Variants in TPTE observed in about 807,000 individuals in gnomAD.
The protein encoded by TPTE is transmembrane phosphatase with tensin homology, also known as putative tyrosine-protein phosphatase TPTE.
A neutral mutation model predicts 84.1 loss-of-function variants in TPTE; 59 were observed. The ratio of observed to expected loss-of-function variants is 0.70; its 90% CI spans 0.57 to 0.87. The LOEUF (loss-of-function observed/expected upper bound fraction) is 0.87. Among genes scored for constraint, TPTE ranks in the 40% least tolerant of loss-of-function variants. TPTE has a pLI of 0.00. For missense variants in TPTE, 382 were observed against 659.6 expected (o/e 0.58, Z 4.61); for synonymous variants, 130 against 223.5 (o/e 0.58, Z 3.73).
intron 17 of TPTE, among the ~76,000 whole-genome samples, chr21:10,588,853 G>C (rs920669121): frequency 6.6e-6 from 1 of 152,308 alleles, no homozygotes; most frequent in Non-Finnish European, 1.5e-5. Context: ...TTTTATTCTA[G>C]AAGTTCTGAT....
chr21:10,580,177 T>C (rs2075246027), intron 17 of TPTE, among the ~76,000 whole-genome samples: 1 of 152,310 alleles, frequency 6.6e-6, no homozygotes, highest in South Asian at 2.1e-4. Flanking sequence ...TCTTTTCAGG[T>C]TCTTTGCCCA....
chr21:10,556,204 C>T (rs1399113436), intron 8 of TPTE, among the ~76,000 whole-genome samples: 1 of 152,302 alleles, frequency 6.6e-6, no homozygotes, highest in African/African-American at 2.4e-5. Context: ...CCCCCCACCC[C>T]ATGACAGGCC....
intron 17 of TPTE, among the ~76,000 whole-genome samples, chr21:10,587,395 G>A (rs1470638463): frequency 1.1e-4 from 17 of 152,392 alleles, no homozygotes; most frequent in Non-Finnish European, 2.4e-4. Context: ...GAACTCCCCA[G>A]GGTCCATTAT....
chr21:10,566,906 G>A (rs1290076073), intron 10 of TPTE, among the ~76,000 whole-genome samples: 22 of 152,268 alleles, frequency 1.4e-4, no homozygotes, highest in Non-Finnish European at 2.5e-4. Flanking sequence ...GAACCCAGGA[G>A]GTGGAGGTTG....
At chr21:10,539,170 T>A (rs533559850) in intron 4 of TPTE, among the ~76,000 whole-genome samples, 1 of 152,310 alleles carries the variant, frequency 6.6e-6, no homozygotes. Context: ...GCCTACCAGA[T>A]TGACAGAAAG....
chr21:10,593,407 C>G (rs1417810946), intron 19 of TPTE, among the ~76,000 whole-genome samples: 1 of 152,418 alleles, frequency 6.6e-6, no homozygotes, highest in African/African-American at 2.4e-5. Context: ...AATCAGAATT[C>G]AAACAAAGTC....
At chr21:10,539,811 G>T (rs1323885199) in intron 4 of TPTE, among the ~76,000 whole-genome samples, 49 of 152,396 alleles carry the variant, frequency 3.2e-4, no homozygotes, top group African/African-American at 1.1e-3. Flanking sequence ...GTAGTTCAAG[G>T]CCAGCCTGGC....
intron 10 of TPTE, among the ~76,000 whole-genome samples, chr21:10,561,914 C>CA (rs1233204015): frequency 6.6e-6 from 1 of 152,312 alleles, no homozygotes; most frequent in Non-Finnish European, 1.5e-5. Context: ...GGAGTGGTTA[C>CA]AGCAGGTCTT....
intron 17 of TPTE, among the ~76,000 whole-genome samples, chr21:10,589,210 C>T (rs1172306443): frequency 6.6e-6 from 1 of 152,282 alleles, no homozygotes; most frequent in South Asian, 2.1e-4. Context: ...TTCCCTTTCC[C>T]TTCTCCCTAG....
At chr21:10,550,738 G>C (rs1488873266) in intron 7 of TPTE, among the ~76,000 whole-genome samples, 1 of 152,306 alleles carries the variant, frequency 6.6e-6, no homozygotes, top group African/African-American at 2.4e-5. Context: ...CTCCACCATA[G>C]ACCAAATGGA....
intron 7 of TPTE, among the ~76,000 whole-genome samples, chr21:10,552,351 T>C (rs1390107907): frequency 6.6e-6 from 1 of 152,294 alleles, no homozygotes; most frequent in Non-Finnish European, 1.5e-5. Context: ...ACATATTATT[T>C]ATATATTATA....
At chr21:10,528,615 A>G (rs957625290) in intron 3 of TPTE, among the ~76,000 whole-genome samples, 4 of 152,312 alleles carry the variant, frequency 2.6e-5, no homozygotes, top group African/African-American at 9.6e-5. Context: ...CATGTGTTCA[A>G]ATATAATTGG....
intron 10 of TPTE, among the ~76,000 whole-genome samples, chr21:10,563,367 A>G (rs1198164743): frequency 6.6e-6 from 1 of 152,310 alleles, no homozygotes; most frequent in Non-Finnish European, 1.5e-5. Context: ...ATGTCATAAC[A>G]CTGTAACTAT....
At chr21:10,601,443 C>G (rs1978491454) in intron 21 of TPTE, among the ~76,000 whole-genome samples, 1 of 152,284 alleles carries the variant, frequency 6.6e-6, no homozygotes, top group Admixed American at 6.5e-5. Context: ...GCAGAAGTTG[C>G]AGTGAGCCGA....
At chr21:10,604,345 C>A (rs1979003433) in intron 23 of TPTE, among the ~76,000 whole-genome samples, 1 of 152,306 alleles carries the variant, frequency 6.6e-6, no homozygotes, top group African/African-American at 2.4e-5. Context: ...TTGTGTCAAC[C>A]ATACTCTTCA....
chr21:10,590,915 A>G (rs1347685113), intron 18 of TPTE, among the ~76,000 whole-genome samples: 1 of 152,306 alleles, frequency 6.6e-6, no homozygotes, highest in African/African-American at 2.4e-5. Context: ...AGGGGAGTAA[A>G]GCCATGTTAC....
chr21:10,540,616 G>A lies in TPTE; in HGVS notation c.12-496G>A, dbSNP rs184923918. The A allele has an allele frequency of 7.1e-5, 37 of 518,320 alleles. No individual in the cohort carries two copies. In the East Asian group the frequency reaches 1.8e-3, roughly 25 times the overall value. 32.1% of individuals were successfully genotyped at this position (518,320 alleles called of 1,614,324 possible). On this transcript the variant is annotated intron_variant, in intron 4 of 23. Transcript: ENST00000618007. The stretch of plus-strand genomic sequence containing the variant: ...CTGGAATTATTTCACCCCCTCCAGA[G>A]CTCTACCGTTATGTGAGGCTGACTG...
At position 10,605,698 on chromosome 21, in the gene TPTE, T is replaced by G; in HGVS notation, c.*146T>G. The G allele has an allele frequency of 7.4e-7, 1 of 1,346,858 alleles. No homozygotes were observed. Among genetic ancestry groups the G allele is most frequent in the Non-Finnish European group, 9.9e-7 (1 of 1,014,310 alleles). The allele number at this position is 1,346,858 out of a possible 1,614,324, so 83.4% of individuals were successfully genotyped here. A position where few individuals can be genotyped will look rare whatever the true frequency, so the allele number is the denominator to read the frequency against. On this transcript the variant is annotated 3_prime_UTR_variant, in exon 24 of 24. Coordinates refer to ENST00000618007, the MANE Select transcript of TPTE (RefSeq NM_199261.4). Reference sequence around the variant, plus strand: ...TTATATATGTTCTTCATAAATCTATTACATATATATAGATAAAATGTCAGT... The same window carrying G: ...TTATATATGTTCTTCATAAATCTATGACATATATATAGATAAAATGTCAGT...
chr21:10,599,346 TTCTC>T (rs2075647372), intron 21 of TPTE, among the ~76,000 whole-genome samples: 2 of 152,312 alleles, frequency 1.3e-5, no homozygotes, highest in Non-Finnish European at 2.9e-5. Context: ...TACCCTTTCT[TTCTC>T]CTTCTATAAT....
Sources: gnomAD v4.1 joint callset for allele counts (sites outside exome capture counted in the v4.1 genomes callset) on GRCh38, gnomAD v4.1.1 for gene constraint, MANE v1.5 for transcripts, NCBI Gene and HGNC (gene_info 2026-07-23, HGNC 2026-07-21) for gene names.